Variants in SLC14A2 observed in about 807,000 individuals in gnomAD.
SLC14A2 encodes the protein urea transporter 2.
Under a neutral mutation model 104.6 loss-of-function variants are expected in SLC14A2, and 91 were observed. That is an observed-to-expected ratio of 0.87 (90% confidence interval 0.73 to 1.04). The LOEUF is 1.04. SLC14A2 is among the 50% of genes least tolerant of loss of function. The pLI is 0.00. For synonymous variants in SLC14A2, 476 were observed against 466.4 expected (o/e 1.02, Z -0.27); for missense variants, 1,189 against 1,156.0 (o/e 1.03, Z -0.41).
At chr18:45,171,363 G>T in the SLC14A2 span, among the ~76,000 whole-genome samples, 2 of 151,992 alleles carry the variant, frequency 1.3e-5, no homozygotes, top group East Asian at 3.9e-4. Flanking sequence ...AAAAAGGAAG[G>T]TGTATAATGT....
At chr18:45,390,100 C>T (rs2085943895) in intron 1 of SLC14A2, among the ~76,000 whole-genome samples, 2 of 152,068 alleles carry the variant, frequency 1.3e-5, no homozygotes, top group Non-Finnish European at 2.9e-5. Flanking sequence ...TGCCATAGGC[C>T]CTGGAACTGC....
chr18:45,582,432 A>AT (rs1424563427), intron 2 of SLC14A2, among the ~76,000 whole-genome samples: 4 of 152,080 alleles, frequency 2.6e-5, no homozygotes, highest in Admixed American at 6.6e-5. Flanking sequence ...ATAAGAAAGG[A>AT]TTTTTTCTAT....
chr18:45,451,052 A>G (rs2086849460), intron 1 of SLC14A2, among the ~76,000 whole-genome samples: 1 of 152,206 alleles, frequency 6.6e-6, no homozygotes, highest in Non-Finnish European at 1.5e-5. Flanking sequence ...GCTCCTGAGG[A>G]GTAATAATTC....
intron 2 of SLC14A2, among the ~76,000 whole-genome samples, chr18:45,595,793 C>T (rs914322386): frequency 6.6e-6 from 1 of 152,122 alleles, no homozygotes; most frequent in Admixed American, 6.5e-5. Flanking sequence ...CCCTGCTCCC[C>T]GGCTTCCTCA....
chr18:45,214,834 G>C (rs989336672), intron 1 of SLC14A2, among the ~76,000 whole-genome samples: 1 of 145,458 alleles, frequency 6.9e-6, no homozygotes, highest in African/African-American at 2.6e-5. Context: ...TCAGGCTCCA[G>C]ACTAGGTACT....
intron 2 of SLC14A2, among the ~76,000 whole-genome samples, chr18:45,486,598 G>A (rs1244330559): frequency 6.6e-6 from 1 of 152,184 alleles, no homozygotes; most frequent in Admixed American, 6.5e-5. Flanking sequence ...GTCACCAGCT[G>A]AGAAGCATTT....
chr18:45,557,661 C>T, intron 2 of SLC14A2, among the ~76,000 whole-genome samples: 1 of 152,292 alleles, frequency 6.6e-6, no homozygotes, highest in East Asian at 1.9e-4. Context: ...ATGTCAGAGG[C>T]CCCATATATT....
chr18:45,298,213 T>C (rs1228996107), intron 1 of SLC14A2, among the ~76,000 whole-genome samples: 1 of 152,210 alleles, frequency 6.6e-6, no homozygotes, highest in East Asian at 1.9e-4. Context: ...TAGGAAAATG[T>C]GTTCCAGAAT....
At chr18:45,547,028 C>T (rs1303562392) in intron 2 of SLC14A2, among the ~76,000 whole-genome samples, 5 of 152,092 alleles carry the variant, frequency 3.3e-5, no homozygotes, top group African/African-American at 1.2e-4. Flanking sequence ...CTTGAGCCAA[C>T]CTGAGCAGAG....
chr18:45,609,401 C>T (rs2044931977), intron 2 of SLC14A2, among the ~76,000 whole-genome samples: 2 of 152,246 alleles, frequency 1.3e-5, no homozygotes, highest in South Asian at 4.1e-4. Flanking sequence ...CACAAAATGT[C>T]CCTTTCCACT....
intron 1 of SLC14A2, among the ~76,000 whole-genome samples, chr18:45,223,075 G>A (rs11662270): frequency 2.0e-5 from 3 of 152,178 alleles, no homozygotes; most frequent in African/African-American, 7.2e-5. Flanking sequence ...CGTACTCTAT[G>A]CTAAGGCATT....
intron 1 of SLC14A2, among the ~76,000 whole-genome samples, chr18:45,452,221 C>T (rs2144614761): frequency 6.6e-6 from 1 of 152,286 alleles, no homozygotes; most frequent in South Asian, 2.1e-4. Context: ...GCATTTGAAT[C>T]CCAGGTCTGC....
At chr18:45,276,936 T>A (rs1419902172) in intron 1 of SLC14A2, among the ~76,000 whole-genome samples, 1 of 152,242 alleles carries the variant, frequency 6.6e-6, no homozygotes, top group Non-Finnish European at 1.5e-5. Flanking sequence ...AATCTCTCTT[T>A]ATTGATGTTA....
chr18:45,343,867 G>T (rs1240484854), intron 1 of SLC14A2, among the ~76,000 whole-genome samples: 1 of 152,114 alleles, frequency 6.6e-6, no homozygotes, highest in African/African-American at 2.4e-5. Context: ...GACAATTTGT[G>T]GAGTGATGAC....
At chr18:45,508,462 C>T (rs2043316999) in intron 2 of SLC14A2, among the ~76,000 whole-genome samples, 1 of 152,208 alleles carries the variant, frequency 6.6e-6, no homozygotes, top group Non-Finnish European at 1.5e-5. Context: ...TTGTCTACCG[C>T]CATGTGACAT....
At chr18:45,272,842 G>A (rs537259862) in intron 1 of SLC14A2, among the ~76,000 whole-genome samples, 1 of 152,204 alleles carries the variant, frequency 6.6e-6, no homozygotes, top group Non-Finnish European at 1.5e-5. Context: ...CACATTGCAT[G>A]CCTGTATCAA....
In SLC14A2 at chr18:45,682,587, G is replaced by A; in HGVS notation, c.*68G>A. 1 of 1,315,170 alleles carries A rather than the reference G, an allele frequency of 7.6e-7. No homozygotes were observed. Among genetic ancestry groups the A allele is most frequent in the Non-Finnish European group, 1.1e-6 (1 of 908,734 alleles). The allele number at this position is 1,315,170 out of a possible 1,614,324, so 81.5% of individuals were successfully genotyped here. On this transcript the variant is annotated 3_prime_UTR_variant, in exon 20 of 20. Coordinates refer to ENST00000255226, the MANE Select transcript of SLC14A2 (RefSeq NM_007163.4). ...CACGCCGTCCAGATCCCCAGGATAA[G>A]AGACCACTTAGCCTTCCCTTTGGTC...
chr18:45,522,659 A>G (rs938097279), intron 2 of SLC14A2, among the ~76,000 whole-genome samples: 3 of 152,172 alleles, frequency 2.0e-5, no homozygotes, highest in African/African-American at 7.2e-5. Flanking sequence ...AATTCCATTC[A>G]TGTTCATTCA....
intron 1 of SLC14A2, chr18:45,440,298 G>T (rs1400528996): frequency 6.6e-6 from 1 of 151,338 alleles, no homozygotes; most frequent in Non-Finnish European, 1.5e-5. Context: ...AACATATACA[G>T]AGAACCCCAT....
Sources: allele counts gnomAD v4.1 joint callset (sites outside exome capture counted in the v4.1 genomes callset), GRCh38; gene constraint gnomAD v4.1.1; transcripts MANE v1.5; gene names NCBI Gene and HGNC (gene_info 2026-07-23, HGNC 2026-07-21).